SOHLH1: variants seen among roughly 807,000 people sequenced by gnomAD.
SOHLH1 encodes the protein spermatogenesis and oogenesis specific basic helix-loop-helix 1.
SOHLH1 carries 23 observed loss-of-function variants against 36.2 expected under a neutral mutation model. That is an observed-to-expected ratio of 0.64 (90% CI 0.46 to 0.90). The LOEUF is 0.90. SOHLH1 is among the 40% of genes least tolerant of loss of function. The pLI is 0.00. For synonymous variants in SOHLH1, 289 were observed against 228.3 expected, an observed-to-expected ratio of 1.27 and a Z score of -2.40; for missense variants, 608 against 517.0, an observed-to-expected ratio of 1.18 and a Z score of -1.71.
In SOHLH1 at chr9:135,698,249, G is replaced by T. The variant is rs532319348; in HGVS notation, c.345+80C>A. ...GGCTGAAGGAGACGGGGATGACAGGGGACACACTGCCTGCAAGGTGGTGAG... is the reference window on the plus strand; with the variant it reads ...GGCTGAAGGAGACGGGGATGACAGGTGACACACTGCCTGCAAGGTGGTGAG... On this transcript the variant is annotated intron_variant, in intron 3 of 7. Coordinates refer to ENST00000425225, the MANE Select transcript of SOHLH1 (RefSeq NM_001101677.2). The T allele has an allele frequency of 2.5e-6, 4 of 1,589,296 alleles. No homozygotes were observed. The African/African-American group carries it at 4.0e-5, about 16-fold the overall frequency.
rs372445466 is a variant in SOHLH1, at chr9:135,699,462, C to T, written c.6G>A (p.Ala2=). The T allele has an allele frequency of 1.4e-5, 22 of 1,612,054 alleles. No individual in the cohort carries two copies. The African/African-American group carries it at 1.9e-4, about 14-fold the overall frequency. Residue 2 remains alanine, a synonymous_variant, in exon 1 of 8, where the codon GCG becomes GCA. Transcript: ENST00000425225. The stretch of plus-strand genomic sequence containing the variant: ...CCGGGTAGGGCTCGGAGCACCGGGA[C>T]GCCATGAACTCGCAGCTGCGGAGCG... M[A]SRCSEPYPEV... is the part of the protein sequence containing the mutation.
rs374493888 is a variant in SOHLH1, at chr9:135,696,673, C to G, written c.600G>C (p.Thr200=). 6.2e-7 allele frequency: 1 copy of G among 1,612,790 alleles called. No homozygotes were observed. The highest frequency in any genetic ancestry group is 8.5e-7 in the Non-Finnish European group (1 of 1,179,926). Residue 200 remains threonine, a synonymous_variant, in exon 5 of 8, where the codon ACG becomes ACC. Coordinates refer to ENST00000425225, the MANE Select transcript of SOHLH1 (RefSeq NM_001101677.2). ...WDPASCTSLG[T]DKCEALLGLC... ...GCCCCAACAGTGCCTCACACTTGTC[C>G]GTGCCCAGGGACGTGCAGCTCGCGG...
chr9:135,700,879 A>C (rs1835009254), upstream of SOHLH1, among the ~76,000 whole-genome samples: 1 of 152,056 alleles, frequency 6.6e-6, no homozygotes, highest in African/African-American at 2.4e-5. Flanking sequence ...GGGGCTCCTC[A>C]GTGGCAGAGT....
upstream of SOHLH1, chr9:135,699,482 G>A (rs374518023): frequency 4.3e-6 from 7 of 1,610,978 alleles, no homozygotes; most frequent in South Asian, 4.4e-5. Flanking sequence ...TCGCAGCTGC[G>A]GAGCGACCCC....
chr9:135,700,694 C>T (rs936567868), upstream of SOHLH1, among the ~76,000 whole-genome samples: 3 of 152,164 alleles, frequency 2.0e-5, no homozygotes, highest in Non-Finnish European at 2.9e-5. Context: ...GTGTTTGGAG[C>T]AGAGGGAGGT....
intron 4 of SOHLH1, 59 bp from the exon 5 acceptor site, chr9:135,696,864 C>A: frequency 1.9e-6 from 3 of 1,548,772 alleles, no homozygotes; most frequent in South Asian, 1.2e-5. Flanking sequence ...TGGAAGGCTG[C>A]CCCCACCCAC....
intron 7 of SOHLH1, 70 bp downstream of exon 7, chr9:135,694,317 G>A (rs780071758): frequency 6.2e-7 from 1 of 1,609,676 alleles, no homozygotes; most frequent in Non-Finnish European, 8.5e-7. Flanking sequence ...CTAGGCCTGA[G>A]TCCCAATTCC....
chr9:135,698,666 T>C (rs1350268282), intron 2 of SOHLH1, among the ~76,000 whole-genome samples, 190 bp from the exon 3 acceptor site: 1 of 152,116 alleles, frequency 6.6e-6, no homozygotes. Flanking sequence ...GCCTGACCCC[T>C]GGACCTCGGC....
chr9:135,698,720 T>C (rs1834908632), intron 2 of SOHLH1, among the ~76,000 whole-genome samples: 1 of 151,952 alleles, frequency 6.6e-6, no homozygotes, highest in African/African-American at 2.4e-5. Context: ...TGCTTTGCGG[T>C]GTGGAAAAGA....
Position 135,699,444 on chromosome 9 carries a change from G to A in SOHLH1, c.24C>T (p.Pro8=), listed in dbSNP as rs1564302079. 2 of 1,612,302 alleles carry A rather than the reference G, an allele frequency of 1.2e-6. No homozygotes were observed. The highest frequency in any genetic ancestry group is 1.7e-5 in the Admixed American group (1 of 59,960). The change falls in exon 1 of 8, where the codon CCC becomes CCT. Residue 8 remains proline (P), a synonymous_variant. Coordinates refer to ENST00000425225, the MANE Select transcript of SOHLH1 (RefSeq NM_001101677.2). ...TAGGGATTCTGGAGACCTCCGGGTA[G>A]GGCTCGGAGCACCGGGACGCCATGA... The part of the protein sequence containing the change: MASRCSE[P]YPEVSRIPTV...
chr9:135,693,947 T>A (rs200399847), intron 7 of SOHLH1, 133 bp from the exon 8 acceptor site: 2 of 1,438,398 alleles, frequency 1.4e-6, no homozygotes, highest in East Asian at 2.5e-5. Context: ...ACAGAGGCTG[T>A]GATGAGGTGG....
chr9:135,700,323 CGCTGG>C (rs1834987559), upstream of SOHLH1, among the ~76,000 whole-genome samples: 1 of 152,190 alleles, frequency 6.6e-6, no homozygotes, highest in Admixed American at 6.5e-5. Flanking sequence ...AGCCGCCCTG[CGCTGG>C]GCTTGAGTCC....
chr9:135,700,944 C>T (rs1006352152), upstream of SOHLH1, among the ~76,000 whole-genome samples: 1 of 152,222 alleles, frequency 6.6e-6, no homozygotes, highest in African/African-American at 2.4e-5. Flanking sequence ...ACCTGTGACT[C>T]TCCTGCCGTT....
At chr9:135,699,573 AC>A, upstream of SOHLH1, 2 of 1,127,136 alleles carry the variant, frequency 1.8e-6, no homozygotes, top group Non-Finnish European at 2.5e-6. Flanking sequence ...CACCTAGCCC[AC>A]CCCACCCCCA....
Position 135,697,430 on chromosome 9 carries a change from G to A in SOHLH1, c.467+76C>T, listed in dbSNP as rs896149267. 4 of 1,574,804 alleles carry A rather than the reference G, an allele frequency of 2.5e-6. No individual in the cohort carries two copies. The East Asian group carries it at 6.9e-5, about 27-fold the overall frequency. On this transcript the variant is annotated intron_variant, in intron 4 of 7. Coordinates refer to ENST00000425225, the MANE Select transcript of SOHLH1 (RefSeq NM_001101677.2). ...GGCCTCCAGGCCACACCCTCCCGAG[G>A]ACATGCCAGGGGGCTTTGGGTCTGC...
chr9:135,697,726 CTG>C, intron 3 of SOHLH1, 99 bp from the exon 4 acceptor site: 1 of 1,448,052 alleles, frequency 6.9e-7, no homozygotes, highest in Non-Finnish European at 9.4e-7. Flanking sequence ...TGGAGGGTCA[CTG>C]TGAGCTCGGT....
At chr9:135,699,283 C>T in intron 1 of SOHLH1, 120 bp downstream of exon 1, 1 of 1,492,320 alleles carries the variant, frequency 6.7e-7, no homozygotes, top group Non-Finnish European at 9.1e-7. Flanking sequence ...TTCCCCTCTC[C>T]CAGGGTCCAG....
chr9:135,696,444 G>A (rs991600058), intron 5 of SOHLH1, among the ~76,000 whole-genome samples, 168 bp downstream of exon 5: 14 of 152,110 alleles, frequency 9.2e-5, no homozygotes, highest in Admixed American at 2.0e-4. Context: ...ACAGCCCGGG[G>A]GCCTTGAATC....
At chr9:135,698,739 G>A (rs1044412983) in intron 2 of SOHLH1, among the ~76,000 whole-genome samples, 1 of 152,228 alleles carries the variant, frequency 6.6e-6, no homozygotes, top group African/African-American at 2.4e-5. Context: ...GACAGCGAGG[G>A]TCAGAGGCAG....
Sources: allele counts gnomAD v4.1 joint callset (sites outside exome capture counted in the v4.1 genomes callset), GRCh38; gene constraint gnomAD v4.1.1; transcripts MANE v1.5; gene names NCBI Gene and HGNC (gene_info 2026-07-23, HGNC 2026-07-21).